The following SAMD5 variants were observed in gnomAD, a reference collection of about 807,000 sequenced individuals.
The protein encoded by SAMD5 is sterile alpha motif domain-containing protein 5.
SAMD5 carries 13 observed loss-of-function variants against 11.3 expected under a neutral mutation model. The observed-to-expected ratio is 1.15, with a 90% confidence interval of 0.75 to 1.83. The LOEUF is 1.83. Among genes scored for constraint, SAMD5 ranks in the 40% most tolerant of loss-of-function variants. The pLI is 0.00. For synonymous variants in SAMD5, 129 were observed against 111.3 expected (o/e 1.16, Z -1.00); for missense variants, 255 against 239.1 (o/e 1.07, Z -0.44).
chr6:147,854,256 G>C, the SAMD5 span, among the ~76,000 whole-genome samples: 12 of 152,222 alleles, frequency 7.9e-5, no homozygotes, highest in East Asian at 7.7e-4. Context: ...AACTGTTCTT[G>C]GGCAGGTAAG....
At chr6:147,948,278 GA>G in the SAMD5 span, among the ~76,000 whole-genome samples, 836 of 138,192 alleles carry the variant, frequency 6.0e-3, 11 homozygotes, top group South Asian at 0.027. Context: ...TGCAAGGAGA[GA>G]AAAAAAAAAA....
intron 1 of SAMD5, among the ~76,000 whole-genome samples, chr6:147,582,718 C>G (rs1789317233): frequency 6.6e-6 from 1 of 152,224 alleles, no homozygotes; most frequent in African/African-American, 2.4e-5. Flanking sequence ...CTTTTTCTCT[C>G]TGCCGTTTCT....
At chr6:147,749,682 T>G in the SAMD5 span, among the ~76,000 whole-genome samples, 5 of 152,098 alleles carry the variant, frequency 3.3e-5, no homozygotes, top group African/African-American at 9.7e-5. Context: ...AGAGGAACCT[T>G]GAGTTGTATT....
At chr6:147,879,204 G>T in the SAMD5 span, among the ~76,000 whole-genome samples, 7 of 152,232 alleles carry the variant, frequency 4.6e-5, no homozygotes, top group Non-Finnish European at 1.5e-5. Flanking sequence ...CCTCCAGGCT[G>T]CGCTGAAGAA....
the SAMD5 span, among the ~76,000 whole-genome samples, chr6:147,798,313 A>G: frequency 1.3e-5 from 2 of 150,298 alleles, no homozygotes; most frequent in South Asian, 2.1e-4. Context: ...TTCTGCCTTC[A>G]TTTCGTTATG....
At chr6:147,663,423 C>T (rs936320461) in intron 1 of SAMD5, among the ~76,000 whole-genome samples, 1 of 152,098 alleles carries the variant, frequency 6.6e-6, no homozygotes, top group Non-Finnish European at 1.5e-5. Flanking sequence ...CCCCATGAAC[C>T]AAGCTTACCT....
At chr6:147,805,356 G>A in the SAMD5 span, among the ~76,000 whole-genome samples, 58 of 152,214 alleles carry the variant, frequency 3.8e-4, no homozygotes, top group East Asian at 6.4e-3. Flanking sequence ...GTCACTCATT[G>A]CCCCATCTGA....
chr6:147,563,746 C>T (rs1788991482), intron 1 of SAMD5, among the ~76,000 whole-genome samples: 1 of 152,220 alleles, frequency 6.6e-6, no homozygotes, highest in Admixed American at 6.5e-5. Flanking sequence ...TGGCAAAGAC[C>T]ACACAGCAAA....
intron 1 of SAMD5, among the ~76,000 whole-genome samples, chr6:147,721,950 T>C (rs887441624): frequency 6.6e-6 from 1 of 152,232 alleles, no homozygotes; most frequent in Admixed American, 6.5e-5. Context: ...AAACTAATTA[T>C]GATTAATGAG....
At chr6:147,874,433 T>C in the SAMD5 span, among the ~76,000 whole-genome samples, 148,481 of 152,098 alleles carry the variant, frequency 0.98, 72,498 homozygotes, top group East Asian at 1. Context: ...TTGCAACCCA[T>C]ATTAAATTGA....
In SAMD5 at chr6:147,565,905, T is replaced by C. The variant is rs702345; in HGVS notation, c.*1449T>C. The C allele has an allele frequency of 0.021, 20,782 of 985,242 alleles. 281 individuals carry two copies. Among genetic ancestry groups the C allele is most frequent in the African/African-American group, 0.049 (2,797 of 57,340 alleles). The allele number at this position is 985,242 out of a possible 1,614,324, so 61.0% of individuals were successfully genotyped here. On this transcript the variant is annotated 3_prime_UTR_variant, in exon 2 of 2. Coordinates refer to ENST00000367474, the MANE Select transcript of SAMD5 (RefSeq NM_001030060.3). ...ATTGTTTAGAGCTCCCAAGTAGTAC[T>C]GCATTACGGAATCTACTACTTAGAA...
chr6:147,880,029 T>C, the SAMD5 span, among the ~76,000 whole-genome samples: 1 of 152,250 alleles, frequency 6.6e-6, no homozygotes, highest in Non-Finnish European at 1.5e-5. Context: ...AACATGGTCA[T>C]AAGTGAATGT....
At chr6:147,532,875 C>T (rs570280707) in intron 1 of SAMD5, among the ~76,000 whole-genome samples, 1 of 152,104 alleles carries the variant, frequency 6.6e-6, no homozygotes, top group African/African-American at 2.4e-5. Context: ...TTTTTCCTCC[C>T]GGAGAGCCAG....
chr6:147,679,291 T>C (rs955853749), intron 1 of SAMD5, among the ~76,000 whole-genome samples: 1 of 152,154 alleles, frequency 6.6e-6, no homozygotes, highest in African/African-American at 2.4e-5. Context: ...GAGAGTTCAG[T>C]AGCTTTACAT....
At chr6:147,570,828 T>C (rs1362168835), downstream of SAMD5, among the ~76,000 whole-genome samples, 1 of 152,176 alleles carries the variant, frequency 6.6e-6, no homozygotes, top group Non-Finnish European at 1.5e-5. Context: ...ATAAATTGTG[T>C]AGTTAAGAGA....
the SAMD5 span, among the ~76,000 whole-genome samples, chr6:147,858,852 A>G: frequency 6.6e-6 from 1 of 152,236 alleles, no homozygotes; most frequent in South Asian, 2.1e-4. Context: ...AGTGCCTACC[A>G]TGTGCCACGC....
At chr6:147,649,893 G>A (rs1401995000) in intron 1 of SAMD5, among the ~76,000 whole-genome samples, 1 of 151,732 alleles carries the variant, frequency 6.6e-6, no homozygotes, top group Non-Finnish European at 1.5e-5. Context: ...CAGAACTCTT[G>A]CTCTGTGAAT....
intron 1 of SAMD5, among the ~76,000 whole-genome samples, chr6:147,680,293 T>C (rs1042766983): frequency 1.3e-5 from 2 of 152,152 alleles, no homozygotes; most frequent in Non-Finnish European, 2.9e-5. Context: ...TATTTTGATG[T>C]TATAATATTA....
intron 1 of SAMD5, among the ~76,000 whole-genome samples, chr6:147,555,875 C>G (rs1788847386): frequency 6.6e-6 from 1 of 151,944 alleles, no homozygotes; most frequent in Non-Finnish European, 1.5e-5. Context: ...TCAGATACTC[C>G]CTACTTTTTC....
Sources: gnomAD v4.1 joint callset for allele counts (sites outside exome capture counted in the v4.1 genomes callset) on GRCh38, gnomAD v4.1.1 for gene constraint, MANE v1.5 for transcripts, NCBI Gene and HGNC (gene_info 2026-07-23, HGNC 2026-07-21) for gene names.